The following TRPM5 variants were observed in gnomAD, a reference collection of about 807,000 sequenced individuals.
The protein encoded by TRPM5 is transient receptor potential cation channel subfamily M member 5, also known as MLSN1 and TRP-related.
In TRPM5, 121 loss-of-function variants were observed where a neutral mutation model predicts 124.9. The observed-to-expected ratio is 0.97, with a 90% CI of 0.84 to 1.13. TRPM5 has a LOEUF of 1.13. Among genes scored for constraint, TRPM5 ranks in the 50% most tolerant of loss-of-function variants. The probability of loss-of-function intolerance (pLI) is 0.00; values close to 1 mark genes in which losing one functional copy is unlikely to be tolerated. For synonymous variants in TRPM5, 781 were observed against 700.5 expected (o/e 1.11, Z -1.81); for missense variants, 1,643 against 1,589.1 (o/e 1.03, Z -0.58).
exon 18 of TRPM5, chr11:2,411,373 T>G (rs1397113738): frequency 6.2e-7 from 1 of 1,606,830 alleles, no homozygotes; most frequent in Admixed American, 1.7e-5. Context: ...TCCAGTGGGA[T>G]CTGGCCGAAG....
In TRPM5 at chr11:2,417,190, G is replaced by A. The variant is rs986368450; in HGVS notation, c.1009+537C>T. Among the ~76,000 whole-genome samples the A allele has an allele frequency of 2.1e-3, 316 of 152,300 alleles. 1 individual carries two copies. Among genetic ancestry groups the A allele is most frequent in the Non-Finnish European group, 1.9e-3 (130 of 68,022 alleles). ...TGAATTGGCTAGTGCGGTGGCTCACGCCTGTAACCTCAGCACTTTGGGAGG... is the reference window on the plus strand; with the variant it reads ...TGAATTGGCTAGTGCGGTGGCTCACACCTGTAACCTCAGCACTTTGGGAGG... On this transcript the variant is annotated intron_variant, in intron 7 of 23. Transcript: ENST00000155858.
chr11:2,433,538 G>C, the TRPM5 span, among the ~76,000 whole-genome samples: 1 of 152,202 alleles, frequency 6.6e-6, no homozygotes. Flanking sequence ...GCTGTGTGTG[G>C]AGCGGGCACT....
chr11:2,441,936 G>C, the TRPM5 span, among the ~76,000 whole-genome samples: 2 of 152,122 alleles, frequency 1.3e-5, no homozygotes, highest in African/African-American at 4.8e-5. This position sits in a 1 kb window ranked among gnomAD's most constrained non-coding sequence, Gnocchi z 7.2. Context: ...CGATCAGCCT[G>C]CCTCGGCCTC....
At chr11:2,421,255 G>C in intron 2 of TRPM5, 57 bp from the exon 8 acceptor site, 2 of 1,505,944 alleles carry the variant, frequency 1.3e-6, no homozygotes, top group Non-Finnish European at 1.8e-6. Flanking sequence ...TCCCTAGCTG[G>C]CCCCACGCCC....
chr11:2,418,889 T>C (rs753136), intron 4 of TRPM5, among the ~76,000 whole-genome samples: 71,085 of 152,120 alleles, frequency 0.47, 17,483 homozygotes, highest in East Asian at 0.67. Flanking sequence ...ACAGGTGCAC[T>C]GCCACACTGC....
chr11:2,440,398 G>A, the TRPM5 span, among the ~76,000 whole-genome samples: 1 of 152,334 alleles, frequency 6.6e-6, no homozygotes, highest in Admixed American at 6.5e-5. The surrounding 1 kb of genome is among the most constrained non-coding windows in gnomAD (Gnocchi z 5.2). Flanking sequence ...ACATTCGCCA[G>A]GCATAAGGAT....
At chr11:2,422,209 G>A (rs267602829) in exon 2 of TRPM5, 2 of 1,612,372 alleles carry the variant, frequency 1.2e-6, no homozygotes, top group African/African-American at 1.3e-5. Flanking sequence ...CATGGCGAAA[G>A]GCTGCTCCTC....
the TRPM5 span, among the ~76,000 whole-genome samples, chr11:2,438,916 G>A: frequency 6.6e-6 from 1 of 152,146 alleles, no homozygotes; most frequent in Admixed American, 6.6e-5. This position sits in a 1 kb window ranked among gnomAD's most constrained non-coding sequence, Gnocchi z 5.9. Context: ...CACATTACCT[G>A]ACTTCAAACT....
chr11:2,422,488 G>A (rs963588045), intron 1 of TRPM5, among the ~76,000 whole-genome samples, 167 bp from the exon 7 acceptor site: 5 of 151,032 alleles, frequency 3.3e-5, no homozygotes, highest in Non-Finnish European at 7.4e-5. Context: ...AGGGGGTACC[G>A]GGGAGGTGCT....
At chr11:2,439,559 A>T in the TRPM5 span, among the ~76,000 whole-genome samples, 2 of 152,396 alleles carry the variant, frequency 1.3e-5, no homozygotes, top group Non-Finnish European at 2.9e-5. Context: ...CATGCGGTCA[A>T]CAAGCATATA....
intron 3 of TRPM5, 109 bp downstream of exon 8, chr11:2,420,923 T>C: frequency 7.9e-7 from 1 of 1,261,102 alleles, no homozygotes; most frequent in East Asian, 2.8e-5. Context: ...TCCCTGCTCT[T>C]CCTCCAGCTC....
chr11:2,413,494 G>A (rs1250660408), exon 13 of TRPM5: 1 of 1,611,680 alleles, frequency 6.2e-7, no homozygotes, highest in East Asian at 2.2e-5. Flanking sequence ...GATGAGGTTG[G>A]TATAGACGAG....
chr11:2,405,761 G>T (rs1469429613), intron 22 of TRPM5, among the ~76,000 whole-genome samples, 168 bp from the exon 28 acceptor site: 1 of 152,208 alleles, frequency 6.6e-6, no homozygotes, highest in Non-Finnish European at 1.5e-5. Context: ...CGTGAGGCGT[G>T]TAGAGTGAAA....
Position 2,415,134 on chromosome 11 carries a change from TC to T in TRPM5, c.1465del (p.Asp489ThrfsTer22). ...GCCCCCGCTCACCGCCCTCCTGCGG[TC>T]CCCTGGCCGGCCGTCCTGGTAGAAG... On this transcript the variant is annotated frameshift_variant, in exon 9 of 24. Coordinates refer to ENST00000155858, the Ensembl canonical transcript of TRPM5. LOFTEE classifies it high-confidence loss of function. 1 of 1,569,472 alleles carries T rather than the reference TC, an allele frequency of 6.4e-7. No individual in the cohort carries two copies.
the TRPM5 span, among the ~76,000 whole-genome samples, chr11:2,430,737 G>T: frequency 8.6e-6 from 1 of 116,424 alleles, no homozygotes; most frequent in Non-Finnish European, 1.8e-5. Flanking sequence ...GGCGGTGATG[G>T]TGATGGTGTT....
At chr11:2,405,775 G>A (rs558741139) in intron 22 of TRPM5, among the ~76,000 whole-genome samples, 182 bp from the exon 28 acceptor site, 13 of 152,256 alleles carry the variant, frequency 8.5e-5, no homozygotes, top group South Asian at 2.1e-4. Context: ...AGTGAAAGGC[G>A]AGGGGTCTTC....
At chr11:2,444,227 C>T in the TRPM5 span, among the ~76,000 whole-genome samples, 1 of 152,170 alleles carries the variant, frequency 6.6e-6, no homozygotes, top group Non-Finnish European at 1.5e-5. Flanking sequence ...AGCGTATTCG[C>T]CGCCCGCAGC....
At chr11:2,440,683 C>T in the TRPM5 span, among the ~76,000 whole-genome samples, 3 of 152,204 alleles carry the variant, frequency 2.0e-5, no homozygotes, top group African/African-American at 4.8e-5. This position sits in a 1 kb window ranked among gnomAD's most constrained non-coding sequence, Gnocchi z 5.2. Flanking sequence ...GGTGGTGAGA[C>T]AGCTCTGTAA....
chr11:2,425,359 C>A (rs1313455383), upstream of TRPM5, among the ~76,000 whole-genome samples: 2 of 152,186 alleles, frequency 1.3e-5, no homozygotes, highest in Non-Finnish European at 2.9e-5. Context: ...CTGGCTGTGG[C>A]CGCGTGGCTC....
Sources: gnomAD v4.1 joint callset for allele counts (sites outside exome capture counted in the v4.1 genomes callset) on GRCh38, gnomAD v4.1.1 for gene constraint, Gnocchi (gnomAD v3.1) non-coding constraint, MANE v1.5 for transcripts, NCBI Gene and HGNC (gene_info 2026-07-23, HGNC 2026-07-21) for gene names.